The following THSD7A variants were observed in gnomAD, a reference collection of about 807,000 sequenced individuals.
THSD7A encodes the protein thrombospondin type 1 domain containing 7A.
A neutral mutation model predicts 231.3 loss-of-function variants in THSD7A; 96 were observed. The ratio of observed to expected loss-of-function variants is 0.41; its 90% CI spans 0.35 to 0.49. THSD7A has a LOEUF of 0.49. Ranked by LOEUF, THSD7A falls within the 20% of genes least tolerant of loss-of-function variation. The pLI, the probability that THSD7A is intolerant of heterozygous loss-of-function variation, is 0.05. For missense variants in THSD7A, 2,290 were observed against 2,070.2 expected, an observed-to-expected ratio of 1.11 and a Z score of -2.06; for synonymous variants, 940 against 743.3, an observed-to-expected ratio of 1.26 and a Z score of -4.30.
chr7:11,381,262 C>G (rs1782503935), intron 24 of THSD7A, among the ~76,000 whole-genome samples: 1 of 152,048 alleles, frequency 6.6e-6, no homozygotes, highest in Non-Finnish European at 1.5e-5. Context: ...CAAAGGGTTT[C>G]TACTAGATGT....
At chr7:11,509,558 C>T (rs917833334) in intron 6 of THSD7A, among the ~76,000 whole-genome samples, 2 of 151,768 alleles carry the variant, frequency 1.3e-5, no homozygotes, top group Admixed American at 1.3e-4. Context: ...TAAGGCCGGG[C>T]GCGGTGGCTC....
At chr7:11,506,862 C>T (rs934426928) in intron 6 of THSD7A, among the ~76,000 whole-genome samples, 1 of 147,434 alleles carries the variant, frequency 6.8e-6, no homozygotes, top group South Asian at 2.3e-4. Flanking sequence ...TGTCACTCTC[C>T]ATCACCGTAC....
rs1562554414 is a variant in THSD7A, at chr7:11,373,073, G to A, written c.*2721C>T. 1 of 137,340 alleles carries A rather than the reference G, an allele frequency of 7.3e-6. No individual in the cohort carries two copies. The highest frequency in any genetic ancestry group is 2.8e-5 in the African/African-American group (1 of 35,208). 8.5% of individuals were successfully genotyped at this position (137,340 alleles called of 1,614,324 possible). On this transcript the variant is annotated 3_prime_UTR_variant, in exon 28 of 28. Coordinates refer to ENST00000423059, the MANE Select transcript of THSD7A (RefSeq NM_015204.3). Reference sequence around the variant, plus strand: ...CATATATATGGGTGTGTGTGTGTGTGTGTGTATATATATATATGCATGCAT... The same window carrying A: ...CATATATATGGGTGTGTGTGTGTGTATGTGTATATATATATATGCATGCAT...
chr7:11,751,253 C>G (rs1294582964), intron 1 of THSD7A: 1 of 152,020 alleles, frequency 6.6e-6, no homozygotes, highest in Non-Finnish European at 1.5e-5. Flanking sequence ...AGATGCAGGT[C>G]TTCTTAAGGG....
chr7:11,399,242 G>C (rs1450894842), intron 23 of THSD7A, among the ~76,000 whole-genome samples: 1 of 151,976 alleles, frequency 6.6e-6, no homozygotes, highest in East Asian at 1.9e-4. Flanking sequence ...CTATGGTGTA[G>C]GTTTTTCATT....
At chr7:11,478,269 T>A (rs116633025) in intron 7 of THSD7A, among the ~76,000 whole-genome samples, 155 of 152,334 alleles carry the variant, frequency 1.0e-3, no homozygotes, top group African/African-American at 3.6e-3. Flanking sequence ...CATACTGGGC[T>A]GGCCACCTTG....
intron 6 of THSD7A, among the ~76,000 whole-genome samples, chr7:11,520,942 C>A (rs578212222): frequency 6.6e-6 from 1 of 152,208 alleles, no homozygotes; most frequent in Non-Finnish European, 1.5e-5. Flanking sequence ...AATATGCAGA[C>A]CACCAGTCTA....
intron 16 of THSD7A, among the ~76,000 whole-genome samples, chr7:11,421,994 C>A (rs550045485): frequency 6.6e-6 from 1 of 152,208 alleles, no homozygotes; most frequent in South Asian, 2.1e-4. Context: ...TCTCCAAATT[C>A]TTGGCCTTTC....
At chr7:11,405,109 G>T (rs899820370) in intron 22 of THSD7A, among the ~76,000 whole-genome samples, 39 of 149,920 alleles carry the variant, frequency 2.6e-4, no homozygotes, top group African/African-American at 9.3e-4. Context: ...ATTTCATTCA[G>T]TTCATCTTAA....
chr7:11,601,034 G>A (rs1364064628), intron 2 of THSD7A, among the ~76,000 whole-genome samples: 5 of 152,152 alleles, frequency 3.3e-5, no homozygotes, highest in African/African-American at 1.2e-4. Context: ...TCTCTTTGAT[G>A]AGGAAGATTT....
At chr7:11,563,803 G>C (rs753190453) in intron 4 of THSD7A, among the ~76,000 whole-genome samples, 2 of 152,162 alleles carry the variant, frequency 1.3e-5, no homozygotes, top group Non-Finnish European at 2.9e-5. Context: ...ACTCTGTGCA[G>C]TTCATGAATT....
chr7:11,665,368 C>G (rs190809768), intron 1 of THSD7A, among the ~76,000 whole-genome samples: 5 of 151,906 alleles, frequency 3.3e-5, no homozygotes, highest in Non-Finnish European at 7.4e-5. Flanking sequence ...AAATATGGTA[C>G]GAGTAGAACT....
intron 1 of THSD7A, among the ~76,000 whole-genome samples, chr7:11,786,398 T>C (rs566533694): frequency 1.3e-5 from 2 of 152,150 alleles, no homozygotes; most frequent in Non-Finnish European, 2.9e-5. Context: ...CCAGGAGAAA[T>C]AACTTGTCTC....
chr7:11,708,452 C>T (rs1780841377), intron 1 of THSD7A, among the ~76,000 whole-genome samples: 1 of 150,712 alleles, frequency 6.6e-6, no homozygotes, highest in Non-Finnish European at 1.5e-5. Flanking sequence ...AACAACATCT[C>T]TGCACAAAGA....
chr7:11,739,959 T>C (rs17165141), intron 1 of THSD7A, among the ~76,000 whole-genome samples: 7,490 of 151,956 alleles, frequency 0.049, 204 homozygotes, highest in East Asian at 0.14. Flanking sequence ...AAACAATGGA[T>C]TGCTTATTCT....
chr7:11,792,597 A>G (rs976482457), intron 1 of THSD7A, among the ~76,000 whole-genome samples: 1 of 151,984 alleles, frequency 6.6e-6, no homozygotes, highest in African/African-American at 2.4e-5. Context: ...CAGCCTGCAG[A>G]GTGAATGTAA....
Position 11,812,062 on chromosome 7 carries a change from A to G in THSD7A, c.190+19695T>C, listed in dbSNP as rs185493501. On this transcript the variant is annotated intron_variant, in intron 1 of 27. Transcript: ENST00000423059. ...AGCATAATGAGAGACATTTGTAGAGACAGTGAGAGAAATCTGAGACTATAA... is the reference window on the plus strand; with the variant it reads ...AGCATAATGAGAGACATTTGTAGAGGCAGTGAGAGAAATCTGAGACTATAA... Among the ~76,000 whole-genome samples the G allele has an allele frequency of 1.5e-3, 226 of 152,128 alleles. 2 individuals are homozygous for G. The highest frequency in any genetic ancestry group is 5.3e-3 in the African/African-American group (220 of 41,514).
chr7:11,617,611 C>T (rs1009099288), intron 2 of THSD7A, among the ~76,000 whole-genome samples: 1 of 152,172 alleles, frequency 6.6e-6, no homozygotes, highest in Non-Finnish European at 1.5e-5. Context: ...ACTTCACACT[C>T]TAGCATTCTA....
chr7:11,646,602 G>A (rs981476349), intron 1 of THSD7A, among the ~76,000 whole-genome samples: 2 of 151,948 alleles, frequency 1.3e-5, no homozygotes, highest in Non-Finnish European at 1.5e-5. Flanking sequence ...TCAGGCTACC[G>A]ATCTTCCATT....
Sources: allele counts gnomAD v4.1 joint callset (sites outside exome capture counted in the v4.1 genomes callset), GRCh38; gene constraint gnomAD v4.1.1; transcripts MANE v1.5; gene names NCBI Gene and HGNC (gene_info 2026-07-23, HGNC 2026-07-21).